The following DNAJB6 variants were observed in gnomAD, a reference collection of about 807,000 sequenced individuals.
The protein encoded by DNAJB6 is DnaJ heat shock protein family (Hsp40) member B6, also known as dnaJ homolog subfamily B member 6.
DNAJB6 carries 16 observed loss-of-function variants against 42.7 expected under a neutral mutation model. The observed-to-expected ratio is 0.37, with a 90% CI of 0.25 to 0.57. DNAJB6 has a LOEUF of 0.57. Ranked by LOEUF, DNAJB6 falls within the 20% of genes least tolerant of loss-of-function variation. DNAJB6 has a pLI of 0.74. For synonymous variants in DNAJB6, 170 were observed against 163.5 expected, an observed-to-expected ratio of 1.04 and a Z score of -0.30; for missense variants, 347 against 416.8, an observed-to-expected ratio of 0.83 and a Z score of 1.46.
chr7:157,357,288 G>GTCCTTCCTTCCTTCCT (rs71717756), intron 1 of DNAJB6, among the ~76,000 whole-genome samples: 5 of 32,184 alleles, frequency 1.6e-4, no homozygotes, highest in South Asian at 1.2e-3. Context: ...CCTTCCTTCC[G>GTCCTTCCTTCCTTCCT]TCCTTCCTTC....
intron 6 of DNAJB6, among the ~76,000 whole-genome samples, chr7:157,383,611 T>TTGTGTGTGTGTGTGTGTG (rs57002445): frequency 4.0e-5 from 6 of 149,570 alleles, no homozygotes; most frequent in African/African-American, 1.5e-4. Flanking sequence ...GTATGTGTGT[T>TTGTGTGTGTGTGTGTGTG]TGTGTGTGTG....
chr7:157,367,854 C>T (rs1273897315), intron 5 of DNAJB6, among the ~76,000 whole-genome samples: 1 of 151,050 alleles, frequency 6.6e-6, no homozygotes, highest in Non-Finnish European at 1.5e-5. Flanking sequence ...AGTGAAACTC[C>T]TGTCTCAAAA....
intron 5 of DNAJB6, among the ~76,000 whole-genome samples, chr7:157,374,998 A>C (rs1043314844): frequency 1.3e-5 from 2 of 152,198 alleles, no homozygotes; most frequent in African/African-American, 4.8e-5. Context: ...CAACTTGTGG[A>C]CAACTCCAGA....
intron 8 of DNAJB6, among the ~76,000 whole-genome samples, chr7:157,403,912 G>A (rs1276621191): frequency 6.6e-6 from 1 of 152,244 alleles, no homozygotes; most frequent in East Asian, 1.9e-4. Context: ...GAGCCTCAGT[G>A]TTGAGTGAGG....
rs1426182828 is a variant in DNAJB6 at position 157,409,989 on chromosome 7, G to T, written c.886G>T (p.Ala296Ser). ...PRAPGPWDPLASAAGLKEGGK... is the reference protein window; with the variant it reads ...PRAPGPWDPLSSAAGLKEGGK... The stretch of plus-strand genomic sequence containing the variant: ...GGCACCCGGGCCCTGGGACCCCCTC[G>T]CGTCCGCAGCAGGTGTGCAAAGGGA... The change falls in exon 9 of 10, where the codon GCG (alanine) becomes TCG (serine). Residue 296 changes from alanine to serine, a missense_variant. Ala to Ser is a moderately conservative substitution (Grantham distance 99). Around this residue, in one of 3 missense-constraint regions of DNAJB6, gnomAD observed 264 missense variants for 288.0 expected, o/e 0.92. Coordinates refer to ENST00000262177, the MANE Select transcript of DNAJB6 (RefSeq NM_058246.4). The T allele has an allele frequency of 1.3e-6, 2 of 1,531,230 alleles. No individual in the cohort carries two copies. The highest frequency in any genetic ancestry group is 1.4e-5 in the African/African-American group (1 of 72,936). The allele number at this position is 1,531,230 out of a possible 1,614,324, so 94.9% of individuals were successfully genotyped here. A position where few individuals can be genotyped will look rare whatever the true frequency, so the allele number is the denominator to read the frequency against.
Position 157,369,019 on chromosome 7 carries a change from C to T in DNAJB6, c.346+1536C>T, listed in dbSNP as rs183925815. On this transcript the variant is annotated intron_variant, in intron 5 of 9. Coordinates refer to ENST00000262177, the MANE Select transcript of DNAJB6 (RefSeq NM_058246.4). ...GGATTCAAAGAGGTTGTTCTTACACCTTATTATGGGCTGGCTGGCTTGAAG... is the reference window on the plus strand; with the variant it reads ...GGATTCAAAGAGGTTGTTCTTACACTTTATTATGGGCTGGCTGGCTTGAAG... 23 of 357,598 alleles carry T rather than the reference C, an allele frequency of 6.4e-5. No individual in the cohort carries two copies. In the East Asian group the frequency reaches 1.7e-3, roughly 27 times the overall value. 22.2% of individuals were successfully genotyped at this position (357,598 alleles called of 1,614,324 possible). A position where few individuals can be genotyped will look rare whatever the true frequency, so the allele number is the denominator to read the frequency against.
At chr7:157,368,019 C>G (rs1250080069) in intron 5 of DNAJB6, among the ~76,000 whole-genome samples, 1 of 152,058 alleles carries the variant, frequency 6.6e-6, no homozygotes, top group African/African-American at 2.4e-5. Context: ...GTCCCAGCTA[C>G]TTGGGAGGCT....
intron 8 of DNAJB6, among the ~76,000 whole-genome samples, chr7:157,399,134 T>A (rs921128866): frequency 6.6e-6 from 1 of 152,220 alleles, no homozygotes; most frequent in African/African-American, 2.4e-5. Context: ...CTTAAGGATG[T>A]TTGTAGAAGT....
intron 8 of DNAJB6, among the ~76,000 whole-genome samples, chr7:157,393,271 C>T (rs1326841950): frequency 6.6e-6 from 1 of 152,170 alleles, no homozygotes; most frequent in Non-Finnish European, 1.5e-5. Flanking sequence ...GCCACTGCGC[C>T]TCGCCTATTC....
At chr7:157,387,176 A>G (rs1202914147) in intron 8 of DNAJB6, among the ~76,000 whole-genome samples, 1 of 152,196 alleles carries the variant, frequency 6.6e-6, no homozygotes, top group Non-Finnish European at 1.5e-5. Context: ...GTTACTGAAA[A>G]TAAGTAAAAA....
At chr7:157,388,541 C>G (rs1023364368) in intron 8 of DNAJB6, among the ~76,000 whole-genome samples, 2 of 150,928 alleles carry the variant, frequency 1.3e-5, no homozygotes, top group African/African-American at 2.4e-5. Flanking sequence ...GGTGTGCTGT[C>G]TGCTGTGTTT....
At chr7:157,342,453 T>A (rs1000426199) in intron 1 of DNAJB6, among the ~76,000 whole-genome samples, 1 of 144,516 alleles carries the variant, frequency 6.9e-6, no homozygotes, top group African/African-American at 2.5e-5. Flanking sequence ...TTCTCCTGCC[T>A]CAGCCTCCCG....
In DNAJB6 at chr7:157,399,358, A is replaced by G. The variant is rs138586415; in HGVS notation, c.692-10437A>G. Among the ~76,000 whole-genome samples the G allele has an allele frequency of 1.6e-3, 245 of 152,338 alleles. 8 individuals carry two copies. In the East Asian group the frequency reaches 0.044, roughly 28 times the overall value. Reference sequence around the variant, plus strand: ...TGGCCCTGCCCCTGCTTGGTGCTAAAGAACAGCCCTGACCGCATCAGGACA... The same window carrying G: ...TGGCCCTGCCCCTGCTTGGTGCTAAGGAACAGCCCTGACCGCATCAGGACA... On this transcript the variant is annotated intron_variant, in intron 8 of 9. Coordinates refer to ENST00000262177, the MANE Select transcript of DNAJB6 (RefSeq NM_058246.4).
At chr7:157,370,590 G>A (rs1800160355) in intron 5 of DNAJB6, among the ~76,000 whole-genome samples, 2 of 152,114 alleles carry the variant, frequency 1.3e-5, no homozygotes, top group South Asian at 2.1e-4. Context: ...GATCTAATTA[G>A]ATGTGAGTGA....
Position 157,395,155 on chromosome 7 carries a change from C to A in DNAJB6, c.691+9544C>A, listed in dbSNP as rs114495440. Among the ~76,000 whole-genome samples, 505 of 152,284 alleles carry A rather than the reference C, an allele frequency of 3.3e-3. 3 individuals carry two copies. The highest frequency in any genetic ancestry group is 0.012 in the African/African-American group (483 of 41,552). On this transcript the variant is annotated intron_variant, in intron 8 of 9. Transcript: ENST00000262177. ...GCAGAGAGTTAGCTGTTTGTCTTCC[C>A]CATCCGGTATTACCAGGGCTGGAAG...
chr7:157,372,927 C>G (rs779242693), intron 5 of DNAJB6, among the ~76,000 whole-genome samples: 3 of 152,124 alleles, frequency 2.0e-5, no homozygotes, highest in Non-Finnish European at 4.4e-5. Context: ...TTGTGTCTGT[C>G]TCTGTGTCCA....
chr7:157,408,814 AAGCGAGGAGGATG>A (rs2116638934), intron 8 of DNAJB6, among the ~76,000 whole-genome samples: 1 of 152,332 alleles, frequency 6.6e-6, no homozygotes, highest in Admixed American at 6.5e-5. Flanking sequence ...GCTTGCGGGG[AAGCGAGGAGGATG>A]GGGCCGCCCC....
At chr7:157,407,457 T>C (rs1198130636) in intron 8 of DNAJB6, among the ~76,000 whole-genome samples, 1 of 152,258 alleles carries the variant, frequency 6.6e-6, no homozygotes, top group Non-Finnish European at 1.5e-5. Context: ...TGGCAAAGTA[T>C]AATTCTTAAA....
chr7:157,358,858 T>TA (rs3839842), intron 2 of DNAJB6, among the ~76,000 whole-genome samples: 1,687 of 152,352 alleles, frequency 0.011, 30 homozygotes, highest in East Asian at 0.061. Flanking sequence ...CTGAAGTTGA[T>TA]GATTGTTTCA....
Sources: gnomAD v4.1 joint callset for allele counts (sites outside exome capture counted in the v4.1 genomes callset) on GRCh38, gnomAD v4.1.1 for gene constraint, gnomAD v4.1.1 regional missense constraint, MANE v1.5 for transcripts, NCBI Gene and HGNC (gene_info 2026-07-23, HGNC 2026-07-21) for gene names.